Variants in DLGAP2 observed in about 807,000 individuals in gnomAD.
DLGAP2 encodes the protein DLG associated protein 2, also known as disks large-associated protein 2.
Under a neutral mutation model 100.3 loss-of-function variants are expected in DLGAP2, and 26 were observed. The observed-to-expected ratio is 0.26, with a 90% CI of 0.19 to 0.36. The LOEUF (loss-of-function observed/expected upper bound fraction) is 0.36, where lower values mean the gene tolerates loss of function less well. DLGAP2 is among the 10% of genes least tolerant of loss of function. DLGAP2 has a pLI of 1.00. For synonymous variants in DLGAP2, 886 were observed against 630.1 expected, an observed-to-expected ratio of 1.41 and a Z score of -6.08; for missense variants, 1,858 against 1,453.2, an observed-to-expected ratio of 1.28 and a Z score of -4.53.
intron 3 of DLGAP2, among the ~76,000 whole-genome samples, chr8:1,407,779 G>A (rs369212253): frequency 6.9e-6 from 1 of 143,998 alleles, no homozygotes; most frequent in Admixed American, 6.9e-5. Flanking sequence ...CTTACTGAGC[G>A]CCACCTCCTC....
At chr8:1,174,136 G>T (rs549159642) in intron 2 of DLGAP2, among the ~76,000 whole-genome samples, 1 of 152,044 alleles carries the variant, frequency 6.6e-6, no homozygotes, top group Non-Finnish European at 1.5e-5. Flanking sequence ...GATCTAAGTC[G>T]GGCTGGAACT....
chr8:918,462 T>C (rs1043277788), intron 2 of DLGAP2, among the ~76,000 whole-genome samples: 32 of 152,152 alleles, frequency 2.1e-4, no homozygotes, highest in Admixed American at 1.9e-3. Flanking sequence ...GTAGACTGGG[T>C]ACAGTGTGAT....
At chr8:1,511,746 C>A (rs1800171502) in intron 4 of DLGAP2, among the ~76,000 whole-genome samples, 1 of 151,838 alleles carries the variant, frequency 6.6e-6, no homozygotes, top group Non-Finnish European at 1.5e-5. Flanking sequence ...AATAGATGAC[C>A]ATCTTCCATG....
At chr8:1,324,527 C>G (rs1800976938) in intron 3 of DLGAP2, among the ~76,000 whole-genome samples, 1 of 152,228 alleles carries the variant, frequency 6.6e-6, no homozygotes, top group Non-Finnish European at 1.5e-5. Flanking sequence ...TACCCATTAA[C>G]ACATTGCTCA....
chr8:1,534,292 A>G (rs767218239), intron 4 of DLGAP2, among the ~76,000 whole-genome samples: 2 of 152,242 alleles, frequency 1.3e-5, no homozygotes, highest in Non-Finnish European at 2.9e-5. Context: ...CACAGAAAGT[A>G]AGGTATGACC....
At chr8:983,030 G>A (rs1053968773) in intron 2 of DLGAP2, among the ~76,000 whole-genome samples, 1 of 152,008 alleles carries the variant, frequency 6.6e-6, no homozygotes, top group African/African-American at 2.4e-5. Flanking sequence ...GGAGCTGTTT[G>A]AAAAATAAGA....
At chr8:1,581,370 C>A (rs1483748748) in intron 6 of DLGAP2, among the ~76,000 whole-genome samples, 1 of 151,728 alleles carries the variant, frequency 6.6e-6, no homozygotes, top group Non-Finnish European at 1.5e-5. Flanking sequence ...ATACACACAC[C>A]ACAGTCAAAC....
intron 3 of DLGAP2, among the ~76,000 whole-genome samples, chr8:1,298,184 G>A (rs111650955): frequency 0.021 from 3,217 of 151,822 alleles, 50 homozygotes; most frequent in Non-Finnish European, 0.03. Context: ...GAAATGTGGC[G>A]TGCATGAACG....
At chr8:1,079,639 T>C (rs1301770392) in intron 2 of DLGAP2, among the ~76,000 whole-genome samples, 3 of 152,186 alleles carry the variant, frequency 2.0e-5, no homozygotes, top group African/African-American at 7.2e-5. Flanking sequence ...GAACGATGAA[T>C]AGGAACTCTC....
chr8:1,414,116 T>C (rs1796811779), intron 3 of DLGAP2, among the ~76,000 whole-genome samples: 1 of 152,116 alleles, frequency 6.6e-6, no homozygotes, highest in African/African-American at 2.4e-5. Flanking sequence ...AAAGTCAGAG[T>C]TGCAGGCTGT....
intron 4 of DLGAP2, among the ~76,000 whole-genome samples, chr8:1,505,605 G>A (rs1297044259): frequency 6.6e-6 from 1 of 152,268 alleles, no homozygotes; most frequent in East Asian, 1.9e-4. Flanking sequence ...GTGAAATATA[G>A]GAGGATAAGG....
intron 1 of DLGAP2, among the ~76,000 whole-genome samples, chr8:900,284 C>T (rs368738011): frequency 7.2e-6 from 1 of 139,676 alleles, no homozygotes; most frequent in East Asian, 2.2e-4. Flanking sequence ...CTGTTCACGG[C>T]GTCGCTCCCG....
At position 1,228,986 on chromosome 8, in the gene DLGAP2, A is replaced by G. The variant is rs553202229; in HGVS notation, c.74-29865A>G. Among the ~76,000 whole-genome samples the G allele has an allele frequency of 5.5e-4, 83 of 152,290 alleles. 3 individuals carry two copies. In the South Asian group the frequency reaches 0.017, roughly 31 times the overall value. On this transcript the variant is annotated intron_variant, in intron 2 of 14. Coordinates refer to ENST00000637795, the MANE Select transcript of DLGAP2 (RefSeq NM_001346810.2). The stretch of plus-strand genomic sequence containing the variant: ...CTATTGGAAAGGAAGAAGCAAAACA[A>G]TATCTATTTGCAAGTAACATAAAGT...
intron 2 of DLGAP2, among the ~76,000 whole-genome samples, chr8:1,178,534 C>G (rs1262997880): frequency 1.3e-5 from 2 of 152,162 alleles, no homozygotes; most frequent in Non-Finnish European, 2.9e-5. Context: ...CACTTGGTTT[C>G]AACTGGGATT....
chr8:1,691,458 T>A, intron 12 of DLGAP2, 77 bp from the exon 13 acceptor site: 1 of 1,236,232 alleles, frequency 8.1e-7, no homozygotes, highest in Admixed American at 2.1e-5. Context: ...GCTCCCTTGG[T>A]GTGATGTTTC....
At chr8:1,414,050 A>G in intron 3 of DLGAP2, among the ~76,000 whole-genome samples, 1 of 152,198 alleles carries the variant, frequency 6.6e-6, no homozygotes, top group East Asian at 1.9e-4. Context: ...ATGCCTAGGA[A>G]TTCTGCTTTT....
intron 3 of DLGAP2, among the ~76,000 whole-genome samples, chr8:1,298,583 T>G (rs1800250121): frequency 6.6e-6 from 1 of 151,904 alleles, no homozygotes; most frequent in South Asian, 2.1e-4. Flanking sequence ...AGTAGGTACC[T>G]CGGCCACAGT....
At chr8:850,732 G>A (rs187091339) in intron 1 of DLGAP2, among the ~76,000 whole-genome samples, 31 of 152,178 alleles carry the variant, frequency 2.0e-4, no homozygotes, top group Admixed American at 5.2e-4. Context: ...TAAATGTTGC[G>A]AAACTATCTG....
intron 2 of DLGAP2, among the ~76,000 whole-genome samples, chr8:973,853 G>A (rs2129012759): frequency 3.3e-5 from 1 of 30,728 alleles, no homozygotes; most frequent in South Asian, 1.2e-3. Context: ...GCGGGCGGTG[G>A]CGGCTGCGAC....
Sources: allele counts gnomAD v4.1 joint callset (sites outside exome capture counted in the v4.1 genomes callset), GRCh38; gene constraint gnomAD v4.1.1; transcripts MANE v1.5; gene names NCBI Gene and HGNC (gene_info 2026-07-23, HGNC 2026-07-21).